Variants in HM13 observed in about 807,000 individuals in gnomAD.
HM13 encodes signal peptide peptidase.
Under a neutral mutation model 50.0 loss-of-function variants are expected in HM13, and 18 were observed. That is an observed-to-expected ratio of 0.36 (90% confidence interval 0.25 to 0.53). The LOEUF is 0.53. Ranked by LOEUF, HM13 falls within the 20% of genes least tolerant of loss-of-function variation. HM13 has a pLI of 0.90. For synonymous variants in HM13, 197 were observed against 232.6 expected (o/e 0.85, Z 1.39); for missense variants, 393 against 552.4 (o/e 0.71, Z 2.89).
At chr20:31,539,966 C>T (rs552687841) in intron 3 of HM13, 10 of 152,272 alleles carry the variant, frequency 6.6e-5, no homozygotes, top group African/African-American at 2.4e-4. Context: ...AGTTCTTCTA[C>T]CTATAAAATG....
chr20:31,567,890 G>T (rs1985014151), intron 11 of HM13, 188 bp from the exon 12 acceptor site: 2 of 581,278 alleles, frequency 3.4e-6, no homozygotes, highest in East Asian at 3.0e-5. Context: ...ATGTGCCTTT[G>T]TCTAGGTGCA....
chr20:31,564,982 G>A (rs528021879), intron 10 of HM13, among the ~76,000 whole-genome samples: 13 of 151,248 alleles, frequency 8.6e-5, no homozygotes, highest in African/African-American at 2.4e-4. Context: ...TGGCCAACAC[G>A]GTGAAACCCT....
At chr20:31,533,936 G>A (rs919747068) in intron 2 of HM13, among the ~76,000 whole-genome samples, 15 of 152,302 alleles carry the variant, frequency 9.8e-5, no homozygotes, top group Admixed American at 8.5e-4. Context: ...CTGGAGTGCA[G>A]TGGTGCGATT....
At chr20:31,539,347 A>C in intron 3 of HM13, 1 of 985,476 alleles carries the variant, frequency 1.0e-6, no homozygotes, top group Non-Finnish European at 1.2e-6. Context: ...ATAGACCAAG[A>C]GGTGGCCAGG....
At position 31,557,998 on chromosome 20, in the gene HM13, G is replaced by A. The variant is rs113713338; in HGVS notation, c.809-1613G>A. 1.6e-3 allele frequency among the ~76,000 whole-genome samples: 239 copies of A among 152,208 alleles called. 2 individuals are homozygous for A. Among genetic ancestry groups the A allele is most frequent in the African/African-American group, 5.5e-3 (230 of 41,520 alleles). On this transcript the variant is annotated intron_variant, in intron 8 of 12. Transcript: ENST00000398174. ...GCTGGGATTGCAGGCGTGAGCCACCGCACCCGGCCAGGCAGTGCTTCTCAG... is the reference window on the plus strand; with the variant it reads ...GCTGGGATTGCAGGCGTGAGCCACCACACCCGGCCAGGCAGTGCTTCTCAG...
rs113310781 is a variant in HM13, at chr20:31,538,108, G to A, written c.283-71G>A. 28 of 1,579,692 alleles carry A rather than the reference G, an allele frequency of 1.8e-5. 1 individual carries two copies. The highest frequency in any genetic ancestry group is 3.7e-4 in the Middle Eastern group (2 of 5,372). ...GGTGAGACCAACCTCCAGAAGAGAC[G>A]CAGGGACTCTGGTTTCCTCACAGCC... is the stretch of plus-strand genomic sequence containing the variant. On this transcript the variant is annotated intron_variant, in intron 2 of 12. Transcript: ENST00000398174.
At chr20:31,538,766 C>A in intron 3 of HM13, 1 of 515,828 alleles carries the variant, frequency 1.9e-6, no homozygotes, top group Non-Finnish European at 2.5e-6. Flanking sequence ...TACTTAATCT[C>A]TCTGGCCTCA....
intron 10 of HM13, among the ~76,000 whole-genome samples, chr20:31,564,410 C>T (rs1214962200): frequency 6.6e-6 from 1 of 152,062 alleles, no homozygotes; most frequent in Non-Finnish European, 1.5e-5. Context: ...CAACCAGTCT[C>T]TACAAAAAAT....
At position 31,514,737 on chromosome 20, in the gene HM13, AG is replaced by A. The variant is rs1297314162; in HGVS notation, c.183+6del. The A allele has an allele frequency of 6.6e-7, 1 of 1,525,062 alleles. No individual in the cohort carries two copies. Among genetic ancestry groups the A allele is most frequent in the South Asian group, 1.2e-5 (1 of 81,386 alleles). The allele number at this position is 1,525,062 out of a possible 1,614,324, so 94.5% of individuals were successfully genotyped here. A position where few individuals can be genotyped will look rare whatever the true frequency, so the allele number is the denominator to read the frequency against. On this transcript the variant is annotated splice_donor_region_variant and intron_variant, in intron 1 of 12. Transcript: ENST00000398174. This position sits in a 1 kb window ranked among gnomAD's most constrained non-coding sequence, Gnocchi z 4.3. The stretch of plus-strand genomic sequence containing the variant: ...CCGTACGCTGCGCCCGCGGCAAGGT[AG>A]GGTCAGCGGGAAAACCGGGCACTTT...
intron 3 of HM13, chr20:31,538,773 C>A: frequency 2.1e-6 from 1 of 466,666 alleles, no homozygotes; most frequent in Non-Finnish European, 2.8e-6. Context: ...TCTCTCTGGC[C>A]TCAATTTCCT....
At chr20:31,529,781 A>G (rs541094895) in intron 2 of HM13, among the ~76,000 whole-genome samples, 5 of 152,208 alleles carry the variant, frequency 3.3e-5, no homozygotes, top group African/African-American at 1.2e-4. Context: ...ATCCTGGCCA[A>G]CGTGGTGAAA....
intron 3 of HM13, chr20:31,540,432 T>C (rs1983375509): frequency 6.6e-6 from 1 of 152,216 alleles, no homozygotes; most frequent in African/African-American, 2.4e-5. Context: ...TGTGAGACGC[T>C]TGAGACCCCC....
At chr20:31,546,315 C>T (rs1483020797) in intron 4 of HM13, among the ~76,000 whole-genome samples, 2 of 151,986 alleles carry the variant, frequency 1.3e-5, no homozygotes, top group Non-Finnish European at 2.9e-5. Flanking sequence ...GGATTACAGG[C>T]GTGAGCCACC....
intron 2 of HM13, among the ~76,000 whole-genome samples, chr20:31,528,541 C>A (rs1189150227): frequency 2.0e-5 from 3 of 152,196 alleles, no homozygotes; most frequent in African/African-American, 7.2e-5. Context: ...TGCAGTGGCG[C>A]AATTTCGGCT....
chr20:31,549,590 C>A (rs1983918660), intron 6 of HM13, among the ~76,000 whole-genome samples: 1 of 152,156 alleles, frequency 6.6e-6, no homozygotes, highest in South Asian at 2.1e-4. Flanking sequence ...AGGGGTGTTA[C>A]CTAATCCCAT....
At chr20:31,549,949 C>T (rs1983940515) in intron 6 of HM13, 115 bp from the exon 7 acceptor site, 2 of 791,514 alleles carry the variant, frequency 2.5e-6, no homozygotes, top group East Asian at 4.9e-5. Context: ...CACTGGAGCC[C>T]CTCCCAGCTC....
At position 31,561,753 on chromosome 20, in the gene HM13, C is replaced by CA; in HGVS notation, c.948+18dup. The CA allele has an allele frequency of 6.5e-7, 1 of 1,536,812 alleles. No homozygotes were observed. The highest frequency in any genetic ancestry group is 9.0e-7 in the Non-Finnish European group (1 of 1,109,546). ...CATGCTCAGGTGGGCAGGACGGTATCAGAGTGTCAGGAATGCCTCACTGCA... is the reference window on the plus strand; with the variant it reads ...CATGCTCAGGTGGGCAGGACGGTATCAAGAGTGTCAGGAATGCCTCACTGCA... On this transcript the variant is annotated intron_variant, in intron 10 of 12. Coordinates refer to ENST00000398174, the MANE Select transcript of HM13 (RefSeq NM_178581.3).
chr20:31,562,908 G>A (rs1360707223), intron 10 of HM13, among the ~76,000 whole-genome samples: 1 of 152,174 alleles, frequency 6.6e-6, no homozygotes, highest in Non-Finnish European at 1.5e-5. Flanking sequence ...GACTGGACCT[G>A]GTTTGGAGGA....
chr20:31,527,395 C>A, intron 1 of HM13, 89 bp from the exon 2 acceptor site: 2 of 887,074 alleles, frequency 2.3e-6, no homozygotes, highest in Non-Finnish European at 1.8e-6. Context: ...CAGGCAGCAT[C>A]CCTAGCCAAG....
Sources: allele counts gnomAD v4.1 joint callset (sites outside exome capture counted in the v4.1 genomes callset), GRCh38; gene constraint gnomAD v4.1.1; non-coding constraint Gnocchi (gnomAD v3.1); transcripts MANE v1.5; gene names NCBI Gene and HGNC (gene_info 2026-07-23, HGNC 2026-07-21).